Variants in ITGA4 observed in about 807,000 individuals in gnomAD.
ITGA4 encodes integrin alpha-4.
In ITGA4, 63 loss-of-function variants were observed where a neutral mutation model predicts 133.6. The ratio of observed to expected loss-of-function variants is 0.47; its 90% CI spans 0.38 to 0.58. ITGA4 has a LOEUF of 0.58. Among genes scored for constraint, ITGA4 ranks in the 20% least tolerant of loss-of-function variants. ITGA4 has a pLI of 0.00. For missense variants in ITGA4, 1,076 were observed against 1,252.7 expected (o/e 0.86, Z 2.13); for synonymous variants, 483 against 438.0 (o/e 1.10, Z -1.28).
intron 7 of ITGA4, among the ~76,000 whole-genome samples, chr2:181,482,136 A>G (rs1685818364): frequency 6.6e-6 from 1 of 152,182 alleles, no homozygotes; most frequent in African/African-American, 2.4e-5. Flanking sequence ...TGCCCCCTCT[A>G]TAGGATCAAT....
At position 181,478,510 on chromosome 2, in the gene ITGA4, A is replaced by T. The variant is rs185933612; in HGVS notation, c.557-247A>T. On this transcript the variant is annotated intron_variant, in intron 4 of 27. Transcript: ENST00000397033. The stretch of plus-strand genomic sequence containing the variant: ...CCTCTGTCTTACTCATTTGACAAAA[A>T]TTTTTTGAGTATATGCTGTGTGTGC... 2.7e-3 allele frequency among the ~76,000 whole-genome samples: 405 copies of T among 152,162 alleles called. 2 individuals carry two copies. The highest frequency in any genetic ancestry group is 8.8e-3 in the African/African-American group (365 of 41,554).
At chr2:181,483,679 A>C (rs1364282727) in intron 9 of ITGA4, among the ~76,000 whole-genome samples, 1 of 152,208 alleles carries the variant, frequency 6.6e-6, no homozygotes, top group Non-Finnish European at 1.5e-5. Context: ...ACCTACATTT[A>C]ATAGTAAAAG....
At chr2:181,505,422 A>C (rs1322536066) in intron 15 of ITGA4, among the ~76,000 whole-genome samples, 1 of 152,076 alleles carries the variant, frequency 6.6e-6, no homozygotes, top group Non-Finnish European at 1.5e-5. Flanking sequence ...GACATTATGT[A>C]ATTTCAGGCA....
At chr2:181,481,786 T>G in intron 7 of ITGA4, 103 bp downstream of exon 7, 1 of 447,932 alleles carries the variant, frequency 2.2e-6, no homozygotes, top group South Asian at 3.7e-5. Context: ...GAAAGAAAGA[T>G]TAGAAATGAT....
intron 10 of ITGA4, among the ~76,000 whole-genome samples, chr2:181,490,428 C>T (rs1273633725): frequency 3.4e-5 from 5 of 147,964 alleles, no homozygotes; most frequent in Non-Finnish European, 7.4e-5. Context: ...CCAGTTCCAT[C>T]CCTGTTGCTG....
intron 10 of ITGA4, among the ~76,000 whole-genome samples, chr2:181,491,606 ATG>A (rs1686049574): frequency 6.6e-6 from 1 of 152,092 alleles, no homozygotes; most frequent in Non-Finnish European, 1.5e-5. Flanking sequence ...TATTTTTTTC[ATG>A]TGTTATGAAG....
At chr2:181,467,581 G>A (rs1685450559) in intron 2 of ITGA4, among the ~76,000 whole-genome samples, 2 of 152,122 alleles carry the variant, frequency 1.3e-5, no homozygotes, top group South Asian at 4.1e-4. Context: ...CTAAATGGAG[G>A]AAAAGAGCAG....
At chr2:181,485,780 T>C (rs971716304) in intron 9 of ITGA4, 101 bp from the exon 10 acceptor site, 1 of 954,668 alleles carries the variant, frequency 1.0e-6, no homozygotes, top group Non-Finnish European at 1.6e-6. Context: ...GTCCAACTTG[T>C]TTGACACATT....
chr2:181,501,982 C>T (rs2105750040), intron 15 of ITGA4, among the ~76,000 whole-genome samples: 1 of 152,144 alleles, frequency 6.6e-6, no homozygotes, highest in East Asian at 1.9e-4. Flanking sequence ...ACCGTCTGTA[C>T]TCTGGGCCGC....
intron 11 of ITGA4, among the ~76,000 whole-genome samples, chr2:181,494,107 G>C (rs775719410): frequency 2.0e-5 from 3 of 152,110 alleles, no homozygotes; most frequent in Non-Finnish European, 4.4e-5. Flanking sequence ...ACGAATATCA[G>C]CTTAATATTT....
chr2:181,497,227 C>A (rs1301105753), intron 14 of ITGA4, among the ~76,000 whole-genome samples: 1 of 152,190 alleles, frequency 6.6e-6, no homozygotes, highest in Non-Finnish European at 1.5e-5. Flanking sequence ...CCTCTACTAA[C>A]AATTCCATTG....
At chr2:181,477,307 A>G (rs1019654633) in intron 4 of ITGA4, among the ~76,000 whole-genome samples, 2 of 152,160 alleles carry the variant, frequency 1.3e-5, no homozygotes, top group Non-Finnish European at 2.9e-5. Flanking sequence ...TAGTCTAGGC[A>G]ATGAGTTTTT....
rs914570451 is a variant in ITGA4, at chr2:181,492,097, T to A, written c.1154-1228T>A. Reference sequence around the variant, plus strand: ...CCCCACTAGACAATGAGTTTCCTATTGTGATACTGCCCTGTTTTGCCAGCT... The same window carrying A: ...CCCCACTAGACAATGAGTTTCCTATAGTGATACTGCCCTGTTTTGCCAGCT... On this transcript the variant is annotated intron_variant, in intron 10 of 27. Transcript: ENST00000397033. Among the ~76,000 whole-genome samples, 3 of 152,252 alleles carry A rather than the reference T, an allele frequency of 2.0e-5. No individual in the cohort carries two copies. In the South Asian group the frequency reaches 6.2e-4, roughly 32 times the overall value.
At position 181,457,639 on chromosome 2, in the gene ITGA4, TCCC is replaced by T; in HGVS notation, c.-14_-12del. 6.3e-7 allele frequency: 1 copy of T among 1,595,398 alleles called. No homozygotes were observed. Among genetic ancestry groups the T allele is most frequent in the East Asian group, 2.3e-5 (1 of 44,402 alleles). On this transcript the variant is annotated 5_prime_UTR_variant, in exon 1 of 28. Transcript: ENST00000397033. ...GTAGTGGCCGTTTAGTGTTGAATGT[TCCC>T]CACCGAGAGCGCATGGCTTGGGAAG...
chr2:181,493,240 T>G (rs1190880133), intron 10 of ITGA4, 85 bp from the exon 11 acceptor site: 2 of 782,022 alleles, frequency 2.6e-6, no homozygotes, highest in Non-Finnish European at 4.3e-6. Context: ...TTATGTGATA[T>G]GAATTAAGGT....
intron 4 of ITGA4, among the ~76,000 whole-genome samples, chr2:181,478,190 A>T (rs1685723112): frequency 6.6e-6 from 1 of 152,070 alleles, no homozygotes. Flanking sequence ...ATAGAGAAGA[A>T]GGTGAGCAGA....
At chr2:181,500,950 AGAAAT>A (rs1349316245) in intron 15 of ITGA4, among the ~76,000 whole-genome samples, 2 of 152,200 alleles carry the variant, frequency 1.3e-5, no homozygotes, top group Non-Finnish European at 2.9e-5. Context: ...GGCAGAGTAC[AGAAAT>A]GTGCAGTGCT....
rs542476326 is a variant in ITGA4 at position 181,513,070 on chromosome 2, T to A, written c.1922+1295T>A. ...ATGTCTTATCCTTTAATTTTCATGA[T>A]ACTATCCTACTCCCATTGTCTTAGT... On this transcript the variant is annotated intron_variant, in intron 17 of 27. Transcript: ENST00000397033. Among the ~76,000 whole-genome samples, 6 of 152,214 alleles carry A rather than the reference T, an allele frequency of 3.9e-5. No homozygotes were observed. The East Asian group carries it at 1.2e-3, about 29-fold the overall frequency.
intron 6 of ITGA4, among the ~76,000 whole-genome samples, chr2:181,481,079 T>G (rs1244848853): frequency 6.6e-6 from 1 of 152,184 alleles, no homozygotes; most frequent in East Asian, 1.9e-4. Flanking sequence ...TAGAAGAATT[T>G]GTTACAATTC....
Sources: gnomAD v4.1 joint callset for allele counts (sites outside exome capture counted in the v4.1 genomes callset) on GRCh38, gnomAD v4.1.1 for gene constraint, MANE v1.5 for transcripts, NCBI Gene and HGNC (gene_info 2026-07-23, HGNC 2026-07-21) for gene names.